The following NALF1 variants were observed in gnomAD, a reference collection of about 807,000 sequenced individuals.
NALF1 encodes NALCN channel auxiliary factor 1, also known as family with sequence similarity 155 member A.
NALF1 carries 3 observed loss-of-function variants against 48.4 expected under a neutral mutation model. That is an observed-to-expected ratio of 0.06 (90% CI 0.03 to 0.16). NALF1 has a LOEUF of 0.16. Among genes scored for constraint, NALF1 ranks in the 10% least tolerant of loss-of-function variants. The pLI, the probability that NALF1 is intolerant of heterozygous loss-of-function variation, is 1.00. For synonymous variants in NALF1, 262 were observed against 245.7 expected (o/e 1.07, Z -0.62); for missense variants, 526 against 571.5 (o/e 0.92, Z 0.81).
chr13:107,847,910 CT>C (rs1190554897), intron 1 of NALF1, among the ~76,000 whole-genome samples: 2 of 151,628 alleles, frequency 1.3e-5, no homozygotes, highest in African/African-American at 2.4e-5. Context: ...AAATTCTCTA[CT>C]TTTTTTGCAA....
chr13:107,412,426 A>G (rs1463066330), intron 1 of NALF1, among the ~76,000 whole-genome samples: 1 of 152,170 alleles, frequency 6.6e-6, no homozygotes, highest in African/African-American at 2.4e-5. Flanking sequence ...TCAGGGCTCC[A>G]GGGCAGTGAT....
At chr13:107,289,529 T>A (rs1881572913) in intron 1 of NALF1, among the ~76,000 whole-genome samples, 1 of 152,220 alleles carries the variant, frequency 6.6e-6, no homozygotes, top group Non-Finnish European at 1.5e-5. Flanking sequence ...TAGGGTATGA[T>A]ATACATTATA....
At chr13:107,447,825 C>A (rs183779185) in intron 1 of NALF1, among the ~76,000 whole-genome samples, 1 of 152,268 alleles carries the variant, frequency 6.6e-6, no homozygotes, top group East Asian at 1.9e-4. Context: ...ACGGAACCTG[C>A]ATCATCAAAA....
Position 107,865,994 on chromosome 13 carries a change from C to T in NALF1, c.603G>A (p.Gly201=), listed in dbSNP as rs143010139. Residue 201 remains glycine (G), a synonymous_variant, in exon 1 of 3, where the codon GGG becomes GGA. Transcript: ENST00000375915. ...CARNWSRGAA[G]GDGQEVRSKH... is the part of the protein sequence containing the mutation. ...TGCTCCTCACCTCCTGCCCGTCCCC[C>T]CCGGCCGCCCCCCGACTCCAGTTCC... The T allele has an allele frequency of 1.2e-6, 2 of 1,612,468 alleles. No homozygotes were observed. The highest frequency in any genetic ancestry group is 1.7e-6 in the Non-Finnish European group (2 of 1,179,962).
At chr13:107,815,891 C>T (rs1041606494) in intron 1 of NALF1, among the ~76,000 whole-genome samples, 4 of 152,274 alleles carry the variant, frequency 2.6e-5, no homozygotes, top group East Asian at 3.9e-4. Context: ...ACCACACATA[C>T]TGTATCATCC....
chr13:107,307,487 A>T lies in NALF1; in HGVS notation c.916-96732T>A, dbSNP rs1029674117. Among the ~76,000 whole-genome samples, 10 of 148,584 alleles carry T rather than the reference A, an allele frequency of 6.7e-5. No individual in the cohort carries two copies. In the East Asian group the frequency reaches 7.8e-4, roughly 12 times the overall value. On this transcript the variant is annotated intron_variant, in intron 1 of 2. Transcript: ENST00000375915. ...ATCTCTCTTTTTTATTTTTATTTTT[A>T]TTTTTTTTTTGAGACCGAGTCTCGC...
intron 1 of NALF1, among the ~76,000 whole-genome samples, chr13:107,477,524 C>G (rs1262295235): frequency 6.6e-6 from 1 of 151,982 alleles, no homozygotes; most frequent in African/African-American, 2.4e-5. Flanking sequence ...TTCCTAGGCC[C>G]TCCCTTCTGA....
rs533577298 is a variant in NALF1 at position 107,822,460 on chromosome 13, T to C, written c.915+43222A>G. On this transcript the variant is annotated intron_variant, in intron 1 of 2. Transcript: ENST00000375915. ...TTTTTAGAAATGGAAATGTAAGACT[T>C]ACTGAATCAGAAATCCTGGAGAGTG... Among the ~76,000 whole-genome samples, 5 of 152,214 alleles carry C rather than the reference T, an allele frequency of 3.3e-5. No homozygotes were observed. In the South Asian group the frequency reaches 1.0e-3, roughly 32 times the overall value.
chr13:107,813,687 AT>A (rs1171625276), intron 1 of NALF1, among the ~76,000 whole-genome samples: 6 of 140,312 alleles, frequency 4.3e-5, no homozygotes, highest in East Asian at 4.4e-4. Flanking sequence ...AAAAAAAAAA[AT>A]TTATATTCTG....
chr13:107,579,190 C>G (rs1878232833), intron 1 of NALF1, among the ~76,000 whole-genome samples: 1 of 152,194 alleles, frequency 6.6e-6, no homozygotes, highest in Non-Finnish European at 1.5e-5. Flanking sequence ...CTCTTGTGTT[C>G]AAGTGATTCT....
chr13:107,173,614 T>G (rs931924503), intron 2 of NALF1, among the ~76,000 whole-genome samples: 5 of 152,214 alleles, frequency 3.3e-5, no homozygotes, highest in Admixed American at 6.5e-5. Flanking sequence ...CTCCGTGCAC[T>G]GCAGTGCTGG....
At chr13:107,647,400 T>C (rs1214284097) in intron 1 of NALF1, among the ~76,000 whole-genome samples, 1 of 151,840 alleles carries the variant, frequency 6.6e-6, no homozygotes, top group Non-Finnish European at 1.5e-5. Context: ...AACCTCATCA[T>C]GTTGACACTT....
intron 2 of NALF1, among the ~76,000 whole-genome samples, chr13:107,176,528 G>A (rs1013813418): frequency 6.6e-6 from 1 of 151,940 alleles, no homozygotes; most frequent in African/African-American, 2.4e-5. Flanking sequence ...TGTAGTCCCA[G>A]CTGCTCAGGA....
At chr13:107,346,221 G>A (rs145048452) in intron 1 of NALF1, among the ~76,000 whole-genome samples, 3 of 152,144 alleles carry the variant, frequency 2.0e-5, no homozygotes, top group African/African-American at 7.2e-5. Context: ...CAGCAAGAAA[G>A]GCCCTCAAAA....
chr13:107,252,997 AAC>A (rs1244290383), intron 1 of NALF1, among the ~76,000 whole-genome samples: 1 of 152,208 alleles, frequency 6.6e-6, no homozygotes, highest in African/African-American at 2.4e-5. Context: ...ACCCCAAAAT[AAC>A]ACATTTTCTT....
chr13:107,432,914 G>T (rs1884405770), intron 1 of NALF1, among the ~76,000 whole-genome samples: 1 of 152,126 alleles, frequency 6.6e-6, no homozygotes, highest in South Asian at 2.1e-4. Context: ...TGGTAAATTA[G>T]ACATTCATCT....
chr13:107,255,819 T>G (rs1880802908), intron 1 of NALF1, among the ~76,000 whole-genome samples: 2 of 152,216 alleles, frequency 1.3e-5, no homozygotes, highest in Admixed American at 1.3e-4. Context: ...CAGTTTTGTC[T>G]GTTCTGAAGC....
intron 1 of NALF1, among the ~76,000 whole-genome samples, chr13:107,673,644 CAAT>C (rs1176097322): frequency 6.6e-6 from 1 of 151,996 alleles, no homozygotes; most frequent in Non-Finnish European, 1.5e-5. Flanking sequence ...CTATAGCTAG[CAAT>C]AATATCTAGT....
At chr13:107,768,482 G>A (rs1162528486) in intron 1 of NALF1, among the ~76,000 whole-genome samples, 1 of 152,112 alleles carries the variant, frequency 6.6e-6, no homozygotes. Flanking sequence ...ATAAGAATTT[G>A]GAATGTGAAC....
Sources: gnomAD v4.1 joint callset for allele counts (sites outside exome capture counted in the v4.1 genomes callset) on GRCh38, gnomAD v4.1.1 for gene constraint, MANE v1.5 for transcripts, NCBI Gene and HGNC (gene_info 2026-07-23, HGNC 2026-07-21) for gene names.